Variants in DNAJC11 observed in about 807,000 individuals in gnomAD.
DNAJC11 encodes the protein DnaJ heat shock protein family (Hsp40) member C11.
A neutral mutation model predicts 78.6 loss-of-function variants in DNAJC11; 15 were observed. The observed-to-expected ratio is 0.19, with a 90% CI of 0.13 to 0.29. The LOEUF is 0.29. Among genes scored for constraint, DNAJC11 ranks in the 10% least tolerant of loss-of-function variants. DNAJC11 has a pLI of 1.00. For missense variants in DNAJC11, 547 were observed against 709.6 expected (o/e 0.77, Z 2.60); for synonymous variants, 292 against 272.1 (o/e 1.07, Z -0.72).
chr1:6,666,972 G>T (rs533392868), intron 4 of DNAJC11, among the ~76,000 whole-genome samples: 4 of 152,214 alleles, frequency 2.6e-5, no homozygotes, highest in African/African-American at 9.6e-5. Context: ...GCCATTCAGT[G>T]CAACTGGAAT....
chr1:6,688,758 A>G (rs56114376), intron 1 of DNAJC11, among the ~76,000 whole-genome samples: 1 of 152,212 alleles, frequency 6.6e-6, no homozygotes, highest in Admixed American at 6.5e-5. Flanking sequence ...GAAAATAATA[A>G]CAGGCCGGTG....
At chr1:6,668,086 A>C in intron 3 of DNAJC11, 1 of 368,980 alleles carries the variant, frequency 2.7e-6, no homozygotes, top group Non-Finnish European at 4.9e-6. Context: ...TTAGCAACTT[A>C]TCTCTGAGGC....
intron 1 of DNAJC11, among the ~76,000 whole-genome samples, chr1:6,695,143 C>CA (rs747901916): frequency 7.4e-5 from 10 of 134,382 alleles, no homozygotes; most frequent in Non-Finnish European, 1.4e-4. Flanking sequence ...GAGACTCTCT[C>CA]AAAAAAAAAA....
intron 4 of DNAJC11, among the ~76,000 whole-genome samples, chr1:6,658,529 TG>T (rs1261247753): frequency 1.3e-5 from 2 of 151,906 alleles, no homozygotes; most frequent in South Asian, 4.2e-4. Context: ...GAGCTGGGAG[TG>T]GCTGCCTTAA....
chr1:6,644,734 G>A (rs536901853), intron 9 of DNAJC11, 60 bp from the exon 10 acceptor site: 2 of 1,453,194 alleles, frequency 1.4e-6, no homozygotes, highest in African/African-American at 1.4e-5. Flanking sequence ...AGGGGCAGCT[G>A]TCATTTGAGA....
Position 6,634,599 on chromosome 1 carries a change from GA to G in DNAJC11, c.*1075del. ...CTGATGGCTGCCACTTCCAGGCCCC[GA>G]GAGACAGGCCTCACGTAACTTTACT... On this transcript the variant is annotated 3_prime_UTR_variant, in exon 16 of 16. Coordinates refer to ENST00000377577, the MANE Select transcript of DNAJC11 (RefSeq NM_018198.4). 7.3e-7 allele frequency: 1 copy of G among 1,366,182 alleles called. No homozygotes were observed. The highest frequency in any genetic ancestry group is 9.8e-7 in the Non-Finnish European group (1 of 1,021,752). 84.6% of individuals were successfully genotyped at this position (1,366,182 alleles called of 1,614,324 possible). A position where few individuals can be genotyped will look rare whatever the true frequency, so the allele number is the denominator to read the frequency against.
chr1:6,655,072 C>T (rs1224381139), intron 4 of DNAJC11, among the ~76,000 whole-genome samples: 1 of 152,214 alleles, frequency 6.6e-6, no homozygotes, highest in Non-Finnish European at 1.5e-5. Flanking sequence ...GCTGAGATTA[C>T]AGGTGTGAGC....
intron 1 of DNAJC11, among the ~76,000 whole-genome samples, chr1:6,687,649 G>A (rs1642678595): frequency 6.6e-6 from 1 of 152,098 alleles, no homozygotes; most frequent in African/African-American, 2.4e-5. Flanking sequence ...GAGCCACTGT[G>A]CCCGGCCACA....
chr1:6,655,357 T>C (rs1642111635), intron 4 of DNAJC11, among the ~76,000 whole-genome samples: 1 of 152,222 alleles, frequency 6.6e-6, no homozygotes, highest in South Asian at 2.1e-4. Context: ...TTAGTTGTAG[T>C]GATACGCATA....
At chr1:6,654,989 G>C (rs1642106426) in intron 4 of DNAJC11, among the ~76,000 whole-genome samples, 2 of 152,154 alleles carry the variant, frequency 1.3e-5, no homozygotes, top group Non-Finnish European at 2.9e-5. Flanking sequence ...AGTAGAGACA[G>C]GGTTTCACCA....
Position 6,639,907 on chromosome 1 carries a change from T to C in DNAJC11, c.1248A>G (p.Lys416=), listed in dbSNP as rs1557465046. The C allele has an allele frequency of 2.5e-6, 4 of 1,612,684 alleles. No individual in the cohort carries two copies. Among genetic ancestry groups the C allele is most frequent in the South Asian group, 1.1e-5 (1 of 90,794 alleles). The part of the protein sequence containing the change: ...LIIKPYLRAQ[K]EKELEKQRES... ...CCCATGACGTGTCAACTCACTTCTC[T>C]TTCTGAGCCCTGAGGTATGGTTTGA... The change falls in exon 11 of 16, where the codon AAA becomes AAG. Residue 416 remains lysine (K), a synonymous_variant. Transcript: ENST00000377577.
Position 6,653,266 on chromosome 1 carries a change from G to GGCCA in DNAJC11, c.508-316_508-315insTGGC, listed in dbSNP as rs1161266279. On this transcript the variant is annotated intron_variant, in intron 5 of 15. Transcript: ENST00000377577. This position sits in a 1 kb window ranked among gnomAD's most constrained non-coding sequence, Gnocchi z 4.5. ...TGACTTCACTGTGTGCCTTCCCTCTGTGGTTTGCCATCAGGGTTCCAGGGG... is the reference window on the plus strand; with the variant it reads ...TGACTTCACTGTGTGCCTTCCCTCTGGCCATGGTTTGCCATCAGGGTTCCAGGGG... Among the ~76,000 whole-genome samples, 4 of 152,212 alleles carry GGCCA rather than the reference G, an allele frequency of 2.6e-5. No individual in the cohort carries two copies. The highest frequency in any genetic ancestry group is 5.9e-5 in the Non-Finnish European group (4 of 68,040).
chr1:6,663,045 C>G (rs761001175), intron 4 of DNAJC11, among the ~76,000 whole-genome samples: 1 of 152,058 alleles, frequency 6.6e-6, no homozygotes, highest in Non-Finnish European at 1.5e-5. Context: ...GGTGTGAGCC[C>G]CCATGCCTGG....
At position 6,661,686 on chromosome 1, in the gene DNAJC11, G is replaced by A. The variant is rs150245469; in HGVS notation, c.378+6023C>T. On this transcript the variant is annotated intron_variant, in intron 4 of 15. Transcript: ENST00000377577. ...GTAAATTGCCCCTTCCTGCCACTACGCACAACAAACATATGGCTTAAACAA... is the reference window on the plus strand; with the variant it reads ...GTAAATTGCCCCTTCCTGCCACTACACACAACAAACATATGGCTTAAACAA... 1.6e-4 allele frequency among the ~76,000 whole-genome samples: 25 copies of A among 152,084 alleles called. No homozygotes were observed. In the East Asian group the frequency reaches 3.7e-3, roughly 22 times the overall value.
intron 7 of DNAJC11, among the ~76,000 whole-genome samples, chr1:6,647,371 C>T (rs942265800): frequency 6.6e-6 from 1 of 152,104 alleles, no homozygotes; most frequent in Non-Finnish European, 1.5e-5. Context: ...GCACGAGCCA[C>T]TGTGCCCAGC....
At chr1:6,639,597 G>GCTGGGAATACAGGCGTGAGCCA in intron 11 of DNAJC11, among the ~76,000 whole-genome samples, 1 of 152,298 alleles carries the variant, frequency 6.6e-6, no homozygotes, top group Non-Finnish European at 1.5e-5. Flanking sequence ...CTTCCAAAGT[G>GCTGGGAATACAGGCGTGAGCCA]CTGGGAATAC....
At chr1:6,697,947 C>T (rs992070061) in intron 1 of DNAJC11, among the ~76,000 whole-genome samples, 15 of 152,054 alleles carry the variant, frequency 9.9e-5, no homozygotes, top group African/African-American at 3.4e-4. Context: ...CCCGCCACCA[C>T]GCCCGGCTAA....
At chr1:6,669,109 C>A (rs1392132144) in intron 3 of DNAJC11, among the ~76,000 whole-genome samples, 2 of 150,440 alleles carry the variant, frequency 1.3e-5, no homozygotes, top group African/African-American at 4.9e-5. Flanking sequence ...ATTGCTTGAA[C>A]CCAGGAGGTG....
In DNAJC11 at chr1:6,676,669, G is replaced by A. The variant is rs566132309; in HGVS notation, c.276+1725C>T. Among the ~76,000 whole-genome samples the A allele has an allele frequency of 4.0e-5, 6 of 151,570 alleles. No homozygotes were observed. In the East Asian group the frequency reaches 5.9e-4, roughly 15 times the overall value. ...CACTGCAGCCTGGGCGACAGAGCAC[G>A]CGCGCACTCTCTCTCACAAACACAC... On this transcript the variant is annotated intron_variant, in intron 3 of 15. Transcript: ENST00000377577.
Sources: allele counts gnomAD v4.1 joint callset (sites outside exome capture counted in the v4.1 genomes callset), GRCh38; gene constraint gnomAD v4.1.1; non-coding constraint Gnocchi (gnomAD v3.1); transcripts MANE v1.5; gene names NCBI Gene and HGNC (gene_info 2026-07-23, HGNC 2026-07-21).